JAKMIP2: variants seen among roughly 807,000 people sequenced by gnomAD.
JAKMIP2 encodes the protein janus kinase and microtubule interacting protein 2, also known as janus kinase and microtubule-interacting protein 2.
JAKMIP2 carries 25 observed loss-of-function variants against 115.0 expected under a neutral mutation model. The ratio of observed to expected loss-of-function variants is 0.22; its 90% CI spans 0.16 to 0.30. JAKMIP2 has a LOEUF of 0.30. JAKMIP2 is among the 10% of genes least tolerant of loss of function. The pLI, the probability that JAKMIP2 is intolerant of heterozygous loss-of-function variation, is 1.00. For synonymous variants in JAKMIP2, 334 were observed against 343.6 expected (o/e 0.97, Z 0.31); for missense variants, 642 against 957.6 (o/e 0.67, Z 4.35).
At chr5:147,741,631 G>A (rs960277516) in intron 1 of JAKMIP2, among the ~76,000 whole-genome samples, 2 of 152,074 alleles carry the variant, frequency 1.3e-5, no homozygotes, top group African/African-American at 2.4e-5. Context: ...ACAGAAAACT[G>A]GTAAAGATGG....
intron 1 of JAKMIP2, among the ~76,000 whole-genome samples, chr5:147,716,454 C>A (rs989462021): frequency 2.0e-5 from 3 of 149,074 alleles, no homozygotes; most frequent in Non-Finnish European, 4.5e-5. Context: ...AGTTTACAGT[C>A]CCACCAACAG....
intron 1 of JAKMIP2, among the ~76,000 whole-genome samples, chr5:147,771,611 C>T (rs1479942190): frequency 6.6e-6 from 1 of 151,934 alleles, no homozygotes; most frequent in Non-Finnish European, 1.5e-5. Flanking sequence ...AATACTGATT[C>T]AAAGCATTCT....
intron 8 of JAKMIP2, among the ~76,000 whole-genome samples, chr5:147,641,160 G>T (rs1004464550): frequency 6.6e-6 from 1 of 152,070 alleles, no homozygotes; most frequent in Admixed American, 6.6e-5. Context: ...GAAAACTCAG[G>T]TATCTATGTG....
At chr5:147,761,760 A>C (rs940406356) in intron 1 of JAKMIP2, among the ~76,000 whole-genome samples, 2 of 152,124 alleles carry the variant, frequency 1.3e-5, no homozygotes, top group African/African-American at 4.8e-5. Context: ...TCATCACTCA[A>C]AAATGCTAAA....
At chr5:147,631,972 C>G (rs902299297) in intron 13 of JAKMIP2, among the ~76,000 whole-genome samples, 1 of 152,078 alleles carries the variant, frequency 6.6e-6, no homozygotes, top group Non-Finnish European at 1.5e-5. Flanking sequence ...TTCAAAATAG[C>G]CTAAAGAAGA....
intron 1 of JAKMIP2, among the ~76,000 whole-genome samples, chr5:147,750,466 A>T (rs1398152043): frequency 6.6e-6 from 1 of 151,850 alleles, no homozygotes; most frequent in African/African-American, 2.4e-5. Flanking sequence ...TAAGAGCTGC[A>T]AGATTAAGAC....
chr5:147,637,800 T>TTG (rs1418919359), intron 10 of JAKMIP2, among the ~76,000 whole-genome samples: 1 of 152,122 alleles, frequency 6.6e-6, no homozygotes, highest in African/African-American at 2.4e-5. Flanking sequence ...ATATCATATT[T>TTG]TGTGTGTCTG....
intron 10 of JAKMIP2, 141 bp from the exon 11 acceptor site, chr5:147,637,189 CTT>C: frequency 3.1e-6 from 2 of 649,230 alleles, no homozygotes; most frequent in Non-Finnish European, 5.4e-6. Context: ...GATCTAAATT[CTT>C]GTTTAAAACT....
At chr5:147,707,747 A>C (rs1361531189) in intron 1 of JAKMIP2, among the ~76,000 whole-genome samples, 4 of 152,196 alleles carry the variant, frequency 2.6e-5, no homozygotes, top group Non-Finnish European at 4.4e-5. Context: ...TTTTGATACT[A>C]AATTTACGGT....
At chr5:147,753,274 T>A (rs570085885) in intron 1 of JAKMIP2, among the ~76,000 whole-genome samples, 18 of 152,210 alleles carry the variant, frequency 1.2e-4, no homozygotes, top group Non-Finnish European at 2.2e-4. Context: ...AGTAAGGCAC[T>A]TAATACAAGT....
intron 2 of JAKMIP2, among the ~76,000 whole-genome samples, chr5:147,664,165 G>A (rs1232851510): frequency 6.6e-6 from 1 of 152,116 alleles, no homozygotes; most frequent in African/African-American, 2.4e-5. Flanking sequence ...GCTTGCATTT[G>A]GGATTCACAT....
intron 1 of JAKMIP2, among the ~76,000 whole-genome samples, chr5:147,754,967 A>T (rs773700673): frequency 1.3e-5 from 2 of 152,158 alleles, no homozygotes; most frequent in Non-Finnish European, 2.9e-5. Context: ...AGGTGTGCAC[A>T]TGAAGAGCAG....
In JAKMIP2 at chr5:147,637,708, C is replaced by G. The variant is rs143341865; in HGVS notation, c.1531-660G>C. 1.7e-3 allele frequency among the ~76,000 whole-genome samples: 264 copies of G among 152,054 alleles called. 2 individuals are homozygous for G. The highest frequency in any genetic ancestry group is 6.2e-3 in the African/African-American group (258 of 41,502). On this transcript the variant is annotated intron_variant, in intron 10 of 21. Transcript: ENST00000616793. ...ACCCGTCTCCGCCTCCCAAAGTGCA[C>G]CCGGCCTTTCCATTCTTTCAGAGCA...
chr5:147,669,859 AC>A (rs1561527705), intron 2 of JAKMIP2, among the ~76,000 whole-genome samples: 2 of 152,168 alleles, frequency 1.3e-5, no homozygotes, highest in African/African-American at 4.8e-5. Flanking sequence ...TTCTCACCTC[AC>A]TACTTTATCA....
intron 1 of JAKMIP2, among the ~76,000 whole-genome samples, chr5:147,708,036 G>A (rs1752645828): frequency 6.6e-6 from 1 of 152,108 alleles, no homozygotes; most frequent in African/African-American, 2.4e-5. Flanking sequence ...ATAAATATTT[G>A]CCTATTTTCT....
intron 1 of JAKMIP2, among the ~76,000 whole-genome samples, chr5:147,705,162 G>C (rs568504305): frequency 6.6e-6 from 1 of 152,256 alleles, no homozygotes; most frequent in Admixed American, 6.5e-5. Flanking sequence ...ATAAGTGTGT[G>C]AAAAACTTGT....
chr5:147,618,400 C>T (rs1756688932), intron 18 of JAKMIP2, among the ~76,000 whole-genome samples: 1 of 152,126 alleles, frequency 6.6e-6, no homozygotes, highest in South Asian at 2.1e-4. Flanking sequence ...ACTGTAGTTC[C>T]TATCCTAAAG....
At chr5:147,694,343 T>C (rs906308304) in intron 1 of JAKMIP2, among the ~76,000 whole-genome samples, 1 of 152,182 alleles carries the variant, frequency 6.6e-6, no homozygotes, top group Non-Finnish European at 1.5e-5. Context: ...TTGTGGTTAA[T>C]TGTGGAGTCA....
intron 1 of JAKMIP2, among the ~76,000 whole-genome samples, chr5:147,680,977 G>C (rs1414621541): frequency 1.3e-5 from 2 of 152,122 alleles, no homozygotes; most frequent in Admixed American, 6.5e-5. Context: ...AGGTTTGTAT[G>C]ACTTTTGGTT....
Sources: allele counts gnomAD v4.1 joint callset (sites outside exome capture counted in the v4.1 genomes callset), GRCh38; gene constraint gnomAD v4.1.1; transcripts MANE v1.5; gene names NCBI Gene and HGNC (gene_info 2026-07-23, HGNC 2026-07-21).